TCTN2: variants seen among roughly 807,000 people sequenced by gnomAD.
TCTN2 encodes the protein tectonic family member 2.
A neutral mutation model predicts 83.4 loss-of-function variants in TCTN2; 66 were observed. The ratio of observed to expected loss-of-function variants is 0.79; its 90% CI spans 0.65 to 0.97. The LOEUF (loss-of-function observed/expected upper bound fraction) is 0.97, where lower values mean the gene tolerates loss of function less well. Among genes scored for constraint, TCTN2 ranks in the 50% least tolerant of loss-of-function variants. The probability of loss-of-function intolerance (pLI) is 0.00; values close to 1 mark genes in which losing one functional copy is unlikely to be tolerated. For synonymous variants in TCTN2, 301 were observed against 326.7 expected, an observed-to-expected ratio of 0.92 and a Z score of 0.85; for missense variants, 794 against 858.1, an observed-to-expected ratio of 0.93 and a Z score of 0.93.
intron 4 of TCTN2, among the ~76,000 whole-genome samples, chr12:123,678,607 A>G (rs544866180): frequency 1.2e-4 from 18 of 152,056 alleles, no homozygotes; most frequent in African/African-American, 4.3e-4. Flanking sequence ...TACATTATGT[A>G]TATACTAACT....
intron 7 of TCTN2, among the ~76,000 whole-genome samples, chr12:123,689,157 A>G (rs1956012467): frequency 1.3e-5 from 2 of 151,718 alleles, no homozygotes; most frequent in South Asian, 2.1e-4. Flanking sequence ...GACCTCCCAC[A>G]TTCAAGTGAT....
In TCTN2 at chr12:123,697,182, A is replaced by T; in HGVS notation, c.1489A>T (p.Asn497Tyr). 6.2e-7 allele frequency: 1 copy of T among 1,613,136 alleles called. No individual in the cohort carries two copies. The highest frequency in any genetic ancestry group is 8.5e-7 in the Non-Finnish European group (1 of 1,179,152). The change falls in exon 13 of 18, where the codon AAT becomes TAT. Residue 497 changes from asparagine to tyrosine, a missense_variant. Asn to Tyr is a moderately radical substitution (Grantham distance 143). Coordinates refer to ENST00000303372, the MANE Select transcript of TCTN2 (RefSeq NM_024809.5). ...CCTGTTAGAAGTCGGGATTAATGAA[A>T]ATTGTACTCAGCTCAGGTGAGTGTT... Reference protein sequence around the residue: ...GCLLEVGINENCTQLRENAVE... With the variant: ...GCLLEVGINEYCTQLRENAVE...
At position 123,704,799 on chromosome 12, in the gene TCTN2, C is replaced by T. The variant is rs897243158; in HGVS notation, c.1769+111C>T. The stretch of plus-strand genomic sequence containing the variant: ...AAACTGATTGTTTATTTACAACTTG[C>T]AATTATTAGCAAGATGTTTATATGC... On this transcript the variant is annotated intron_variant, in intron 15 of 17. Transcript: ENST00000303372. 4.3e-6 allele frequency: 5 copies of T among 1,172,646 alleles called. No individual in the cohort carries two copies. In the Admixed American group the frequency reaches 9.5e-5, roughly 22 times the overall value. 72.6% of individuals were successfully genotyped at this position (1,172,646 alleles called of 1,614,324 possible). A position where few individuals can be genotyped will look rare whatever the true frequency, so the allele number is the denominator to read the frequency against.
In TCTN2 at chr12:123,699,656, G is replaced by A. The variant is rs759916115; in HGVS notation, c.1506-48G>A. On this transcript the variant is annotated intron_variant, in intron 13 of 17. Transcript: ENST00000303372. ...GGACATTCACTGGAAATGACTTTAG[G>A]ACAAGACCTGCTGGCCATGAGCTGA... The A allele has an allele frequency of 2.0e-6, 3 of 1,468,298 alleles. No individual in the cohort carries two copies. The South Asian group carries it at 3.4e-5, about 17-fold the overall frequency. The allele number at this position is 1,468,298 out of a possible 1,614,324, so 91.0% of individuals were successfully genotyped here.
intron 7 of TCTN2, among the ~76,000 whole-genome samples, chr12:123,689,818 ATGACAGGGTCTTGCTC>A (rs1956020369): frequency 6.6e-6 from 1 of 151,978 alleles, no homozygotes; most frequent in African/African-American, 2.4e-5. Context: ...AAGTGAATGA[ATGACAGGGTCTTGCTC>A]TGTCGCCCAG....
In TCTN2 at chr12:123,671,220, C is replaced by G; in HGVS notation, c.-21C>G. 6.2e-7 allele frequency: 1 copy of G among 1,607,672 alleles called. No homozygotes were observed. Among genetic ancestry groups the G allele is most frequent in the Non-Finnish European group, 8.5e-7 (1 of 1,177,632 alleles). ...TAATGAGGGCGCGGTTCTGCTGTGC[C>G]CGGCCCGCGAGGTCTAAGGCATGGG... On this transcript the variant is annotated 5_prime_UTR_variant, in exon 1 of 18. Transcript: ENST00000303372.
At chr12:123,676,539 G>C (rs1167169362) in intron 4 of TCTN2, among the ~76,000 whole-genome samples, 1 of 128,074 alleles carries the variant, frequency 7.8e-6, no homozygotes, top group African/African-American at 3.0e-5. Flanking sequence ...CTGCACTCCA[G>C]CCTGGGTGAC....
At chr12:123,701,477 A>G (rs6488895) in intron 14 of TCTN2, among the ~76,000 whole-genome samples, 151,191 of 152,232 alleles carry the variant, frequency 0.99, 75,086 homozygotes, top group Middle Eastern at 1. Flanking sequence ...GGTGGCTCAT[A>G]TCTGTAATCC....
chr12:123,690,758 C>CTCTCA, intron 8 of TCTN2, 84 bp downstream of exon 8: 1 of 1,527,032 alleles, frequency 6.5e-7, no homozygotes, highest in Non-Finnish European at 9.0e-7. Flanking sequence ...ATCATTTCTA[C>CTCTCA]TGGTTCAACT....
rs1034369750 is a variant in TCTN2 at position 123,671,547 on chromosome 12, C to T, written c.123C>T (p.Val41=). The T allele has an allele frequency of 6.2e-7, 1 of 1,614,094 alleles. No individual in the cohort carries two copies. Among genetic ancestry groups the T allele is most frequent in the African/African-American group, 1.3e-5 (1 of 75,054 alleles). ...PPFIRMSGPA[V]SASLVGDTEG... is the part of the protein sequence containing the mutation. ...TTATCCGAATGTCCGGCCCTGCGGT[C>T]AGCGCGTCCCTGGTCGGAGACACCG... Residue 41 remains valine, a synonymous_variant, in exon 2 of 18, where the codon GTC becomes GTT. Coordinates refer to ENST00000303372, the MANE Select transcript of TCTN2 (RefSeq NM_024809.5).
In TCTN2 at chr12:123,694,868, C is replaced by T. The variant is rs749360775; in HGVS notation, c.1126C>T (p.Pro376Ser). ...TETPLNNGSTPRIVNVEEHYI... is the reference protein window; with the variant it reads ...TETPLNNGSTSRIVNVEEHYI... ...AACTCCTTTAAATAACGGATCAACC[C>T]CTAGAATTGTGAATGTGGAAGAACA... Residue 376 changes from proline (P) to serine (S), a missense_variant, in exon 10 of 18, where the codon CCT becomes TCT. Transcript: ENST00000303372. 5 of 1,613,044 alleles carry T rather than the reference C, an allele frequency of 3.1e-6. No homozygotes were observed. The Admixed American group carries it at 5.0e-5, about 16-fold the overall frequency.
chr12:123,705,351 C>T (rs1956216911), intron 15 of TCTN2, among the ~76,000 whole-genome samples: 1 of 151,934 alleles, frequency 6.6e-6, no homozygotes, highest in African/African-American at 2.4e-5. Flanking sequence ...TTAGTAAAGA[C>T]AGGGTTTCAC....
chr12:123,686,695 CT>C, intron 5 of TCTN2, 140 bp from the exon 6 acceptor site: 1 of 823,176 alleles, frequency 1.2e-6, no homozygotes, highest in Non-Finnish European at 2.0e-6. Context: ...GCACAAGGCA[CT>C]TTTAGATGAG....
chr12:123,676,018 C>A (rs1345567864), intron 4 of TCTN2, among the ~76,000 whole-genome samples: 1 of 152,158 alleles, frequency 6.6e-6, no homozygotes, highest in Non-Finnish European at 1.5e-5. Context: ...GTGGCTCATG[C>A]CTGTAATCCC....
chr12:123,678,932 G>A (rs567057947), intron 4 of TCTN2, among the ~76,000 whole-genome samples: 44 of 151,974 alleles, frequency 2.9e-4, no homozygotes, highest in African/African-American at 9.6e-4. Context: ...CAAGTAGCTG[G>A]GACTACAGGC....
At chr12:123,676,373 T>C (rs553732560) in intron 4 of TCTN2, among the ~76,000 whole-genome samples, 21 of 151,650 alleles carry the variant, frequency 1.4e-4, no homozygotes, top group South Asian at 1.3e-3. Context: ...TCGAGACCAT[T>C]CTGGCTAACA....
chr12:123,694,909 G>A lies in TCTN2; in HGVS notation c.1167G>A (p.Trp389Ter). ...TGGAAGAACATTATATTTTCAAATGGAATAATAATACCATCAGTGAAATAA... is the reference window on the plus strand; with the variant it reads ...TGGAAGAACATTATATTTTCAAATGAAATAATAATACCATCAGTGAAATAA... ...VNVEEHYIFK[W>*]NNNTISEINV... The change falls in exon 10 of 18, where the codon TGG becomes TGA. Residue 389 changes from tryptophan (W) to a stop codon, truncating the protein, a stop_gained. Transcript: ENST00000303372. LOFTEE classifies it high-confidence loss of function. 6.2e-7 allele frequency: 1 copy of A among 1,613,230 alleles called. No homozygotes were observed. Among genetic ancestry groups the A allele is most frequent in the Non-Finnish European group, 8.5e-7 (1 of 1,179,252 alleles).
intron 4 of TCTN2, among the ~76,000 whole-genome samples, chr12:123,675,446 A>G (rs941253223): frequency 2.0e-5 from 3 of 152,190 alleles, no homozygotes; most frequent in Non-Finnish European, 4.4e-5. Flanking sequence ...CTTTAGTAGC[A>G]AAAGTCTGTT....
intron 4 of TCTN2, among the ~76,000 whole-genome samples, chr12:123,678,482 T>G (rs1032427744): frequency 2.0e-5 from 3 of 152,206 alleles, no homozygotes; most frequent in Non-Finnish European, 4.4e-5. Context: ...GAGACAGGGT[T>G]TCACTATGTT....
Sources: allele counts gnomAD v4.1 joint callset (sites outside exome capture counted in the v4.1 genomes callset), GRCh38; gene constraint gnomAD v4.1.1; transcripts MANE v1.5; gene names NCBI Gene and HGNC (gene_info 2026-07-23, HGNC 2026-07-21).